The following SELE variants were observed in gnomAD, a reference collection of about 807,000 sequenced individuals.
The protein encoded by SELE is selectin E.
Under a neutral mutation model 75.8 loss-of-function variants are expected in SELE, and 52 were observed. The ratio of observed to expected loss-of-function variants is 0.69; its 90% CI spans 0.55 to 0.86. The LOEUF is 0.86. Ranked by LOEUF, SELE falls within the 40% of genes least tolerant of loss-of-function variation. SELE has a pLI of 0.00. For missense variants in SELE, 754 were observed against 732.7 expected, an observed-to-expected ratio of 1.03 and a Z score of -0.34; for synonymous variants, 285 against 258.7, an observed-to-expected ratio of 1.10 and a Z score of -0.98.
At chr1:169,728,494 A>G (rs2101991455) in intron 7 of SELE, among the ~76,000 whole-genome samples, 1 of 152,352 alleles carries the variant, frequency 6.6e-6, no homozygotes, top group South Asian at 2.1e-4. Context: ...CACACAAAAT[A>G]AATTATGGTC....
intron 5 of SELE, among the ~76,000 whole-genome samples, chr1:169,729,913 A>G (rs1488866784): frequency 6.6e-6 from 1 of 152,150 alleles, no homozygotes; most frequent in African/African-American, 2.4e-5. Flanking sequence ...GTTATCATTT[A>G]CGTGAGGTAA....
chr1:169,733,646 G>A lies in SELE; in HGVS notation c.-34C>T. The A allele has an allele frequency of 6.2e-7, 1 of 1,607,128 alleles. No individual in the cohort carries two copies. The highest frequency in any genetic ancestry group is 1.3e-5 in the African/African-American group (1 of 74,924). On this transcript the variant is annotated 5_prime_UTR_variant, in exon 2 of 14. Transcript: ENST00000333360. ...GAGTTCTTTTCACCCAAAGGTTTAGGCTTGAAATACTTTCCTGGGGAGATA... is the reference window on the plus strand; with the variant it reads ...GAGTTCTTTTCACCCAAAGGTTTAGACTTGAAATACTTTCCTGGGGAGATA...
intron 5 of SELE, 49 bp from the exon 6 acceptor site, chr1:169,729,722 C>T: frequency 6.3e-7 from 1 of 1,581,694 alleles, no homozygotes; most frequent in Non-Finnish European, 8.7e-7. Context: ...ATGATCTTTT[C>T]ACTTCCTATT....
rs1283678571 is a variant in SELE, at chr1:169,728,222, T to C, written c.1115A>G (p.Asn372Ser). 1.2e-6 allele frequency: 2 copies of C among 1,613,934 alleles called. No homozygotes were observed. The highest frequency in any genetic ancestry group is 1.7e-5 in the Admixed American group (1 of 59,982). Reference sequence around the variant, plus strand: ...ACAATTCATGTAGCCTCGCTCGGGGTTGGACAAGGCTGTGCACTGGAAAGC... The same window carrying C: ...ACAATTCATGTAGCCTCGCTCGGGGCTGGACAAGGCTGTGCACTGGAAAGC... ...CEAFQCTALS[N>S]PERGYMNCLP... The change falls in exon 8 of 14, where the codon AAC (asparagine) becomes AGC (serine). Residue 372 changes from asparagine (N) to serine (S), a missense_variant. Physicochemically the swap from Asn to Ser is conservative, Grantham distance 46. Transcript: ENST00000333360.
At position 169,730,562 on chromosome 1, in the gene SELE, G is replaced by T; in HGVS notation, c.585C>A (p.His195Gln). 1 of 1,614,004 alleles carries T rather than the reference G, an allele frequency of 6.2e-7. No individual in the cohort carries two copies. ...SPEHGSLVCS[H>Q]PLGNFSYNSS... ...AATTGTAGCTGAAGTTTCCCAGTGG[G>T]TGACTGCAAACCAGGCTTCCATGCT... Residue 195 changes from histidine (H) to glutamine (Q), a missense_variant, in exon 5 of 14, where the codon CAC becomes CAA. Physicochemically the swap from His to Gln is conservative, Grantham distance 24 (BLOSUM62 0). Coordinates refer to ENST00000333360, the MANE Select transcript of SELE (RefSeq NM_000450.2).
In SELE at chr1:169,726,731, A is replaced by G. The variant is rs1648783098; in HGVS notation, c.1721T>C (p.Phe574Ser). The change falls in exon 11 of 14, where the codon TTT becomes TCT. Residue 574 changes from phenylalanine (F) to serine (S), a missense_variant. Phe to Ser is a radical substitution (Grantham distance 155). Coordinates refer to ENST00000333360, the MANE Select transcript of SELE (RefSeq NM_000450.2). ...AGLSLLTLAPFLLWLRKCLRK... is the reference protein window; with the variant it reads ...AGLSLLTLAPSLLWLRKCLRK... ...TAAGCATTTCCGAAGCCAGAGGAGA[A>G]ATGGTGCTAATGTCAGGAGGGAGAG... 6.2e-7 allele frequency: 1 copy of G among 1,613,882 alleles called. No homozygotes were observed. The highest frequency in any genetic ancestry group is 8.5e-7 in the Non-Finnish European group (1 of 1,179,858).
At position 169,730,207 on chromosome 1, in the gene SELE, C is replaced by G. The variant is rs369710289; in HGVS notation, c.715+225G>C. On this transcript the variant is annotated intron_variant, in intron 5 of 13. Transcript: ENST00000333360. ...GTTTTATGGTCTCCCTTACAAATCA[C>G]CAGAGCCTCAGAAACACCCATTTCA... 5.9e-5 allele frequency among the ~76,000 whole-genome samples: 9 copies of G among 152,156 alleles called. No homozygotes were observed. In the East Asian group the frequency reaches 1.5e-3, roughly 26 times the overall value.
Position 169,728,211 on chromosome 1 carries a change from C to T in SELE, c.1126G>A (p.Gly376Ser), listed in dbSNP as rs770577858. 1.2e-6 allele frequency: 2 copies of T among 1,614,108 alleles called. No homozygotes were observed. Among genetic ancestry groups the T allele is most frequent in the Non-Finnish European group, 1.7e-6 (2 of 1,179,994 alleles). ...GCACTAGGAAGACAATTCATGTAGC[C>T]TCGCTCGGGGTTGGACAAGGCTGTG... ...QCTALSNPERGYMNCLPSASG... is the reference protein window; with the variant it reads ...QCTALSNPERSYMNCLPSASG... The change falls in exon 8 of 14, where the codon GGC becomes AGC. Residue 376 changes from glycine to serine, a missense_variant. Coordinates refer to ENST00000333360, the MANE Select transcript of SELE (RefSeq NM_000450.2).
At position 169,732,648 on chromosome 1, in the gene SELE, A is replaced by C; in HGVS notation, c.388T>G (p.Cys130Gly). 1 of 1,608,918 alleles carries C rather than the reference A, an allele frequency of 6.2e-7. No individual in the cohort carries two copies. The highest frequency in any genetic ancestry group is 2.2e-5 in the East Asian group (1 of 44,838). The stretch of plus-strand genomic sequence containing the variant: ...CATAGGGCAAGCTTCTTCTTGCTGC[A>C]CCTCTCATCATTCCACATGCCCACA... ...KDVGMWNDER[C>G]SKKKLALCYT... Residue 130 changes from cysteine (C) to glycine (G), a missense_variant, in exon 3 of 14, where the codon TGC becomes GGC. By Grantham distance (159) the Cys-to-Gly change is radical. Coordinates refer to ENST00000333360, the MANE Select transcript of SELE (RefSeq NM_000450.2).
chr1:169,728,227 C>T lies in SELE; in HGVS notation c.1110G>A (p.Leu370=). ...PVCEAFQCTA[L]SNPERGYMNC... is the part of the protein sequence containing the mutation. ...TCATGTAGCCTCGCTCGGGGTTGGACAAGGCTGTGCACTGGAAAGCTGAGA... is the reference window on the plus strand; with the variant it reads ...TCATGTAGCCTCGCTCGGGGTTGGATAAGGCTGTGCACTGGAAAGCTGAGA... Residue 370 remains leucine (L), a synonymous_variant, in exon 8 of 14, where the codon TTG becomes TTA. Coordinates refer to ENST00000333360, the MANE Select transcript of SELE (RefSeq NM_000450.2). The T allele has an allele frequency of 6.2e-7, 1 of 1,613,770 alleles. No homozygotes were observed. Among genetic ancestry groups the T allele is most frequent in the Non-Finnish European group, 8.5e-7 (1 of 1,179,904 alleles).
intron 13 of SELE, among the ~76,000 whole-genome samples, chr1:169,725,522 T>C (rs1229779294): frequency 6.6e-6 from 1 of 152,200 alleles, no homozygotes; most frequent in Non-Finnish European, 1.5e-5. Flanking sequence ...TTATTATCTA[T>C]CATAAATGAA....
rs753169336 is a variant in SELE at position 169,729,227 on chromosome 1, G to A, written c.1049C>T (p.Thr350Ile). 1 of 1,613,916 alleles carries A rather than the reference G, an allele frequency of 6.2e-7. No individual in the cohort carries two copies. The highest frequency in any genetic ancestry group is 1.1e-5 in the South Asian group (1 of 91,044). ...MLQGPAQVEC[T>I]TQGQWTQQIP... is the part of the protein sequence containing the mutation. Reference sequence around the variant, plus strand: ...TTGCTGTGTCCACTGCCCTTGAGTGGTGCATTCAACCTGGGCTGGTCCCTG... The same window carrying A: ...TTGCTGTGTCCACTGCCCTTGAGTGATGCATTCAACCTGGGCTGGTCCCTG... The change falls in exon 7 of 14, where the codon ACC (threonine) becomes ATC (isoleucine). Residue 350 changes from threonine (T) to isoleucine (I), a missense_variant. Thr to Ile is a moderately conservative substitution (Grantham distance 89). Transcript: ENST00000333360.
intron 10 of SELE, among the ~76,000 whole-genome samples, 162 bp downstream of exon 10, chr1:169,727,187 A>C (rs952485179): frequency 1.3e-5 from 2 of 152,050 alleles, no homozygotes; most frequent in African/African-American, 4.8e-5. Flanking sequence ...ATCAACATGC[A>C]ACTTCTGTTT....
rs1648943109 is a variant in SELE at position 169,732,645 on chromosome 1, T to C, written c.391A>G (p.Ser131Gly). ...DVGMWNDERC[S>G]KKKLALCYTA... ...TAGCATAGGGCAAGCTTCTTCTTGC[T>C]GCACCTCTCATCATTCCACATGCCC... The change falls in exon 3 of 14, where the codon AGC (serine) becomes GGC (glycine). Residue 131 changes from serine (S) to glycine (G), a missense_variant. Ser to Gly is a moderately conservative substitution (Grantham distance 56). Coordinates refer to ENST00000333360, the MANE Select transcript of SELE (RefSeq NM_000450.2). 1 of 1,608,680 alleles carries C rather than the reference T, an allele frequency of 6.2e-7. No homozygotes were observed. Among genetic ancestry groups the C allele is most frequent in the Non-Finnish European group, 8.5e-7 (1 of 1,177,806 alleles).
At position 169,726,773 on chromosome 1, in the gene SELE, CCAG is replaced by C. The variant is rs1439693077; in HGVS notation, c.1676_1678del (p.Ala559del). On this transcript the variant is annotated inframe_deletion, in exon 11 of 14. Coordinates refer to ENST00000333360, the MANE Select transcript of SELE (RefSeq NM_000450.2). ...GAGGGAGAGTCCAGCAGCAGAAAGTCCAGCTACCAAGGGAATGTTGGACTCAGT... is the reference window on the plus strand; with the variant it reads ...GAGGGAGAGTCCAGCAGCAGAAAGTCCTACCAAGGGAATGTTGGACTCAGT... 2 of 1,613,542 alleles carry C rather than the reference CCAG, an allele frequency of 1.2e-6. No homozygotes were observed. The highest frequency in any genetic ancestry group is 1.7e-6 in the Non-Finnish European group (2 of 1,179,810).
rs1354695095 is a variant in SELE, at chr1:169,727,829, T to C, written c.1378A>G (p.Ser460Gly). 1 of 1,614,008 alleles carries C rather than the reference T, an allele frequency of 6.2e-7. No individual in the cohort carries two copies. The stretch of plus-strand genomic sequence containing the variant: ...TGTAATTCAAATCCCTCCTCACAGC[T>C]GAAGGCACAAGAGGACTTGTAGGTG... ...EFTYKSSCAF[S>G]CEEGFELHGS... The change falls in exon 9 of 14, where the codon AGC (serine) becomes GGC (glycine). Residue 460 changes from serine to glycine, a missense_variant. Physicochemically the swap from Ser to Gly is moderately conservative, Grantham distance 56. Transcript: ENST00000333360.
At chr1:169,725,110 A>T (rs764503609) in intron 13 of SELE, among the ~76,000 whole-genome samples, 1 of 152,146 alleles carries the variant, frequency 6.6e-6, no homozygotes, top group Non-Finnish European at 1.5e-5. Context: ...GTAACAGGCC[A>T]GGCCCAGTGG....
intron 11 of SELE, among the ~76,000 whole-genome samples, chr1:169,726,365 A>C (rs1164443088): frequency 6.6e-6 from 1 of 152,200 alleles, no homozygotes; most frequent in Non-Finnish European, 1.5e-5. Context: ...CTGTACTCCA[A>C]ATAAATCTCC....
At chr1:169,732,396 A>ATG (rs905236857) in intron 3 of SELE, among the ~76,000 whole-genome samples, 1 of 148,846 alleles carries the variant, frequency 6.7e-6, no homozygotes, top group African/African-American at 2.5e-5. Flanking sequence ...ACACACATAT[A>ATG]TGTGTGTGTG....
Sources: gnomAD v4.1 joint callset for allele counts (sites outside exome capture counted in the v4.1 genomes callset) on GRCh38, gnomAD v4.1.1 for gene constraint, MANE v1.5 for transcripts, NCBI Gene and HGNC (gene_info 2026-07-23, HGNC 2026-07-21) for gene names.